Variants in FAM3C observed in about 807,000 individuals in gnomAD.
FAM3C encodes the protein FAM3 metabolism regulating signaling molecule C.
Under a neutral mutation model 32.5 loss-of-function variants are expected in FAM3C, and 15 were observed. The ratio of observed to expected loss-of-function variants is 0.46; its 90% CI spans 0.31 to 0.71. FAM3C has a LOEUF of 0.71. Ranked by LOEUF, FAM3C falls within the 30% of genes least tolerant of loss-of-function variation. FAM3C has a pLI of 0.05. For missense variants in FAM3C, 175 were observed against 274.4 expected, an observed-to-expected ratio of 0.64 and a Z score of 2.56; for synonymous variants, 75 against 86.1, an observed-to-expected ratio of 0.87 and a Z score of 0.72.
chr7:121,388,523 C>T (rs1167648448), intron 1 of FAM3C, among the ~76,000 whole-genome samples: 1 of 152,138 alleles, frequency 6.6e-6, no homozygotes, highest in East Asian at 1.9e-4. Flanking sequence ...TGTATCCACT[C>T]CTTCTGCAAA....
At position 121,372,058 on chromosome 7, in the gene FAM3C, T is replaced by A. The variant is rs368643664; in HGVS notation, c.148+52A>T. On this transcript the variant is annotated intron_variant, in intron 4 of 9. Coordinates refer to ENST00000359943, the MANE Select transcript of FAM3C (RefSeq NM_014888.3). ...CTGACACTTTGAATATAAGCTCTCA[T>A]ATGCCTAAGGCAGAATAAATCATAC... The A allele has an allele frequency of 3.1e-5, 42 of 1,376,860 alleles. No homozygotes were observed. In the African/African-American group the frequency reaches 5.3e-4, roughly 18 times the overall value. 85.3% of individuals were successfully genotyped at this position (1,376,860 alleles called of 1,614,324 possible).
At chr7:121,377,755 T>C (rs1562890274) in intron 3 of FAM3C, among the ~76,000 whole-genome samples, 1 of 152,220 alleles carries the variant, frequency 6.6e-6, no homozygotes, top group Non-Finnish European at 1.5e-5. Context: ...ACATAAATAC[T>C]TATCATTGTG....
intron 3 of FAM3C, among the ~76,000 whole-genome samples, chr7:121,376,777 C>A (rs1023943398): frequency 2.0e-5 from 3 of 152,058 alleles, no homozygotes; most frequent in Non-Finnish European, 2.9e-5. Context: ...GTCTACATAT[C>A]AGAATTGTCC....
At chr7:121,364,442 C>T (rs757935579) in intron 5 of FAM3C, 1 of 387,614 alleles carries the variant, frequency 2.6e-6, no homozygotes, top group African/African-American at 2.1e-5. Flanking sequence ...AAATAATAGA[C>T]CATTTTTGTG....
At chr7:121,383,094 A>C in intron 1 of FAM3C, 84 bp from the exon 2 acceptor site, 1 of 689,724 alleles carries the variant, frequency 1.4e-6, no homozygotes, top group Non-Finnish European at 2.4e-6. Context: ...GGGGCATATA[A>C]ACTAGTAAAT....
intron 8 of FAM3C, among the ~76,000 whole-genome samples, chr7:121,355,481 A>C (rs762835877): frequency 2.0e-5 from 3 of 152,224 alleles, no homozygotes; most frequent in Non-Finnish European, 4.4e-5. Flanking sequence ...GTGAGCATTA[A>C]AAAGCAATAA....
At position 121,382,549 on chromosome 7, in the gene FAM3C, G is replaced by GTT. The variant is rs3068115; in HGVS notation, c.13+406_13+407dup. On this transcript the variant is annotated intron_variant, in intron 2 of 9. Transcript: ENST00000359943. ...TATGGGCATTATATACAGTCTTTAG[G>GTT]TTTTTTTTTTTTTTTTTTCAGATTT... Among the ~76,000 whole-genome samples, 151 of 130,766 alleles carry GTT rather than the reference G, an allele frequency of 1.2e-3. 3 individuals carry two copies. In the East Asian group the frequency reaches 0.023, roughly 20 times the overall value. 85.8% of individuals were successfully genotyped at this position (130,766 alleles called of 152,430 possible).
intron 5 of FAM3C, among the ~76,000 whole-genome samples, chr7:121,370,154 A>G (rs1437998882): frequency 6.6e-6 from 1 of 152,238 alleles, no homozygotes; most frequent in Non-Finnish European, 1.5e-5. Context: ...GTGCCTTATT[A>G]TGCATCAGTA....
At position 121,372,102 on chromosome 7, in the gene FAM3C, ATACT is replaced by A. The variant is rs1357357754; in HGVS notation, c.148+4_148+7del. 8.7e-6 allele frequency: 14 copies of A among 1,602,246 alleles called. No homozygotes were observed. Among genetic ancestry groups the A allele is most frequent in the African/African-American group, 1.3e-5 (1 of 74,556 alleles). On this transcript the variant is annotated splice_donor_5th_base_variant and intron_variant, in intron 4 of 9. Transcript: ENST00000359943. ...ATCATACATAAAATATTGAGATGAA[ATACT>A]TACAACGTGCAGCTGTGTCCAATGC...
chr7:121,383,417 G>A (rs1025170928), intron 1 of FAM3C, among the ~76,000 whole-genome samples: 3 of 152,230 alleles, frequency 2.0e-5, no homozygotes, highest in African/African-American at 7.2e-5. Context: ...ACATGGGGCT[G>A]GAATTGAGGT....
intron 5 of FAM3C, among the ~76,000 whole-genome samples, chr7:121,369,144 G>A (rs940399724): frequency 7.2e-5 from 11 of 151,866 alleles, no homozygotes; most frequent in East Asian, 3.9e-4. Context: ...ACCACGCCCG[G>A]CTAACTTTTG....
At chr7:121,374,459 G>A (rs941370688) in intron 3 of FAM3C, among the ~76,000 whole-genome samples, 2 of 152,060 alleles carry the variant, frequency 1.3e-5, no homozygotes. Flanking sequence ...AAATTGTCAA[G>A]TAAGTTTAAA....
chr7:121,382,906 A>G, intron 2 of FAM3C, 51 bp downstream of exon 2: 1 of 1,392,220 alleles, frequency 7.2e-7, no homozygotes, highest in Non-Finnish European at 1.0e-6. Context: ...ATTCTTTAAC[A>G]AACAGGTTAC....
chr7:121,365,650 TAA>T (rs1794009759), intron 5 of FAM3C, among the ~76,000 whole-genome samples: 1 of 152,058 alleles, frequency 6.6e-6, no homozygotes, highest in Non-Finnish European at 1.5e-5. Flanking sequence ...AAAATAGACT[TAA>T]ACCCTCATAT....
In FAM3C at chr7:121,351,189, A is replaced by C. The variant is rs747185717; in HGVS notation, c.548T>G (p.Val183Gly). 1.2e-6 allele frequency: 2 copies of C among 1,613,714 alleles called. No homozygotes were observed. The highest frequency in any genetic ancestry group is 1.7e-6 in the Non-Finnish European group (2 of 1,179,766). Residue 183 changes from valine to glycine, a missense_variant, in exon 9 of 10, where the codon GTC (valine) becomes GGC (glycine). Coordinates refer to ENST00000359943, the MANE Select transcript of FAM3C (RefSeq NM_014888.3). The part of the protein sequence containing the change: ...ITNLGFRDNW[V>G]FCGGKGIKTK... ...CTTAATGCCCTTCCCACCACAGAAGACCCAGTTGTCTCTAAAACCAAGATT... is the reference window on the plus strand; with the variant it reads ...CTTAATGCCCTTCCCACCACAGAAGCCCCAGTTGTCTCTAAAACCAAGATT...
In FAM3C at chr7:121,362,588, A is replaced by G. The variant is rs576688673; in HGVS notation, c.382+309T>C. 9.9e-6 allele frequency: 3 copies of G among 302,342 alleles called. No individual in the cohort carries two copies. In the South Asian group the frequency reaches 1.7e-4, roughly 17 times the overall value. The allele number at this position is 302,342 out of a possible 1,614,324, so 18.7% of individuals were successfully genotyped here. On this transcript the variant is annotated intron_variant, in intron 7 of 9. Coordinates refer to ENST00000359943, the MANE Select transcript of FAM3C (RefSeq NM_014888.3). Reference sequence around the variant, plus strand: ...CTTTTTTTTTTTAAATTTTAGACACACTTAAAGGAGCCCAAAACTTTTGAA... The same window carrying G: ...CTTTTTTTTTTTAAATTTTAGACACGCTTAAAGGAGCCCAAAACTTTTGAA...
In FAM3C at chr7:121,364,114, A is replaced by C. The variant is rs1198087448; in HGVS notation, c.331+16T>G. The C allele has an allele frequency of 1.3e-6, 2 of 1,550,196 alleles. No individual in the cohort carries two copies. The highest frequency in any genetic ancestry group is 1.4e-5 in the African/African-American group (1 of 73,562). On this transcript the variant is annotated intron_variant, in intron 6 of 9. Transcript: ENST00000359943. Reference sequence around the variant, plus strand: ...ACCCAATGATTACATCCATAAGCTAAAATAATTGTTCTTACCATTTGCCAA... The same window carrying C: ...ACCCAATGATTACATCCATAAGCTACAATAATTGTTCTTACCATTTGCCAA...
intron 1 of FAM3C, among the ~76,000 whole-genome samples, chr7:121,390,734 T>C (rs1324011543): frequency 6.7e-6 from 1 of 150,300 alleles, no homozygotes; most frequent in Non-Finnish European, 1.5e-5. Flanking sequence ...TCCCTAGGAG[T>C]GGGATTAAAG....
intron 1 of FAM3C, among the ~76,000 whole-genome samples, chr7:121,392,472 C>T (rs1233615566): frequency 2.0e-5 from 3 of 152,058 alleles, no homozygotes; most frequent in African/African-American, 4.8e-5. Context: ...TGGGGGAAGC[C>T]GCCCTCATGA....
Sources: allele counts gnomAD v4.1 joint callset (sites outside exome capture counted in the v4.1 genomes callset), GRCh38; gene constraint gnomAD v4.1.1; transcripts MANE v1.5; gene names NCBI Gene and HGNC (gene_info 2026-07-23, HGNC 2026-07-21).